RHBDF2: variants seen among roughly 807,000 people sequenced by gnomAD.
RHBDF2 encodes rhomboid 5 homolog 2.
Under a neutral mutation model 95.2 loss-of-function variants are expected in RHBDF2, and 38 were observed. The observed-to-expected ratio is 0.40, with a 90% CI of 0.31 to 0.52. The LOEUF (loss-of-function observed/expected upper bound fraction) is 0.52. Ranked by LOEUF, RHBDF2 falls within the 20% of genes least tolerant of loss-of-function variation. The pLI is 0.56. For synonymous variants in RHBDF2, 442 were observed against 462.0 expected, an observed-to-expected ratio of 0.96 and a Z score of 0.55; for missense variants, 863 against 1,137.7, an observed-to-expected ratio of 0.76 and a Z score of 3.47.
At chr17:76,489,375 G>C (rs2074237807) in intron 1 of RHBDF2, among the ~76,000 whole-genome samples, 1 of 148,994 alleles carries the variant, frequency 6.7e-6, no homozygotes, top group African/African-American at 2.5e-5. Context: ...CCAGGCTGGA[G>C]TGCAGTGGCA....
At chr17:76,499,878 C>T (rs995496740) in intron 1 of RHBDF2, among the ~76,000 whole-genome samples, 4 of 151,830 alleles carry the variant, frequency 2.6e-5, no homozygotes, top group African/African-American at 9.7e-5. Context: ...GGGTTAAGCA[C>T]CCCAGGCCTG....
Position 76,479,757 on chromosome 17 carries a change from G to A in RHBDF2, c.248C>T (p.Ala83Val), listed in dbSNP as rs536930030. The change falls in exon 4 of 19, where the codon GCC becomes GTC. Residue 83 changes from alanine to valine, a missense_variant. Around this residue, in one of 2 missense-constraint regions of RHBDF2, gnomAD observed 611 missense variants for 725.5 expected, o/e 0.84. Transcript: ENST00000675367. ...CTTGCGGATGCTCTGGGACAGTGAG[G>A]CCTGGCGGCGGAAGCCAGGGCGCTT... ...SEKRPGFRRQ[A>V]SLSQSIRKGA... The A allele has an allele frequency of 6.2e-7, 1 of 1,611,516 alleles. No individual in the cohort carries two copies. Among genetic ancestry groups the A allele is most frequent in the Non-Finnish European group, 8.5e-7 (1 of 1,179,874 alleles).
At chr17:76,478,160 C>T (rs1347158148) in intron 6 of RHBDF2, among the ~76,000 whole-genome samples, 3 of 152,220 alleles carry the variant, frequency 2.0e-5, no homozygotes, top group African/African-American at 7.2e-5. Context: ...GCACGGAATA[C>T]CAGGTCCCTG....
rs1046730250 is a variant in RHBDF2 at position 76,478,827 on chromosome 17, T to C, written c.651A>G (p.Gln217=). ...GCACCTTGAGGAGGGCAGCGGCAGC[T>C]TGCAAGCTCATGTGGGCCACAGACA... The part of the protein sequence containing the change: ...KRMSVAHMSL[Q]AAAALLKGRS... The change falls in exon 6 of 19, where the codon CAA becomes CAG. Residue 217 remains glutamine, a synonymous_variant. Transcript: ENST00000675367. 2 of 1,613,026 alleles carry C rather than the reference T, an allele frequency of 1.2e-6. No individual in the cohort carries two copies. The highest frequency in any genetic ancestry group is 1.7e-6 in the Non-Finnish European group (2 of 1,179,650).
chr17:76,484,952 C>A (rs556459283), intron 2 of RHBDF2, among the ~76,000 whole-genome samples: 1 of 152,182 alleles, frequency 6.6e-6, no homozygotes, highest in South Asian at 2.1e-4. Context: ...GGTTCCTCCC[C>A]AGAGAAGCGT....
chr17:76,500,009 G>A (rs2074538484), intron 1 of RHBDF2, among the ~76,000 whole-genome samples: 1 of 152,124 alleles, frequency 6.6e-6, no homozygotes, highest in South Asian at 2.1e-4. Flanking sequence ...ACTCTTGTGA[G>A]GGGAATAAGT....
At chr17:76,500,723 C>T (rs1257598852) in intron 1 of RHBDF2, among the ~76,000 whole-genome samples, 2 of 152,320 alleles carry the variant, frequency 1.3e-5, no homozygotes, top group East Asian at 3.9e-4. Context: ...TATCCCAATG[C>T]CCTGGGGGAA....
intron 4 of RHBDF2, 61 bp from the exon 5 acceptor site, chr17:76,479,338 T>C (rs2073875304): frequency 1.3e-6 from 2 of 1,543,262 alleles, no homozygotes; most frequent in African/African-American, 1.4e-5. Context: ...CACCTGAGTG[T>C]GTGGAAGGGG....
rs144936770 is a variant in RHBDF2 at position 76,479,555 on chromosome 17, C to T, written c.272+178G>A. 6.4e-3 allele frequency: 4,728 copies of T among 733,888 alleles called. 35 individuals are homozygous for T. The highest frequency in any genetic ancestry group is 9.2e-3 in the Non-Finnish European group (3,840 of 417,574). 45.5% of individuals were successfully genotyped at this position (733,888 alleles called of 1,614,324 possible). On this transcript the variant is annotated intron_variant, in intron 4 of 18. Coordinates refer to ENST00000675367, the MANE Select transcript of RHBDF2 (RefSeq NM_001005498.4). ...CTCCACACCGTGATATTCCGCAAAG[C>T]ACATACCCATTTCCCCATCTATACC...
Position 76,473,308 on chromosome 17 carries a change from C to T in RHBDF2, c.1753G>A (p.Glu585Lys). 1 of 1,612,506 alleles carries T rather than the reference C, an allele frequency of 6.2e-7. No homozygotes were observed. Among genetic ancestry groups the T allele is most frequent in the Non-Finnish European group, 8.5e-7 (1 of 1,179,206 alleles). ...TAGCCGTGCATGAACTCACAGTATT[C>T]CCGGGTGGTGATCTCACAGCTAAGG... ...TKGSCEITTR[E>K]YCEFMHGYFH... The change falls in exon 16 of 19, where the codon GAA becomes AAA. Residue 585 changes from glutamate to lysine, a missense_variant. Glu to Lys is a moderately conservative substitution (Grantham distance 56). Around this residue, in one of 2 missense-constraint regions of RHBDF2, gnomAD observed 252 missense variants for 412.2 expected, o/e 0.61. Coordinates refer to ENST00000675367, the MANE Select transcript of RHBDF2 (RefSeq NM_001005498.4).
At chr17:76,500,408 C>G (rs1374877537) in intron 1 of RHBDF2, among the ~76,000 whole-genome samples, 2 of 152,196 alleles carry the variant, frequency 1.3e-5, no homozygotes, top group African/African-American at 4.8e-5. Context: ...CTTTCCACTG[C>G]CTGCCCTACG....
chr17:76,485,806 A>C (rs1036463240), intron 2 of RHBDF2, among the ~76,000 whole-genome samples: 2 of 152,166 alleles, frequency 1.3e-5, no homozygotes, highest in Non-Finnish European at 2.9e-5. Flanking sequence ...AAGTCCTAAC[A>C]AAGCTACAAC....
intron 2 of RHBDF2, among the ~76,000 whole-genome samples, chr17:76,486,153 G>C (rs758599245): frequency 6.6e-6 from 1 of 151,344 alleles, no homozygotes; most frequent in Non-Finnish European, 1.5e-5. Context: ...CTGTCACCCA[G>C]GCTAGAGCGC....
chr17:76,480,410 A>G (rs576617925), intron 3 of RHBDF2, among the ~76,000 whole-genome samples: 1 of 151,466 alleles, frequency 6.6e-6, no homozygotes, highest in Non-Finnish European at 1.5e-5. Context: ...TTTGGGACAG[A>G]GTCTTGCTCT....
Position 76,475,116 on chromosome 17 carries a change from A to C in RHBDF2, c.1141T>G (p.Phe381Val), listed in dbSNP as rs2073728505. Residue 381 changes from phenylalanine (F) to valine (V), a missense_variant, in exon 10 of 19, where the codon TTC (phenylalanine) becomes GTC (valine). This residue lies in a region of RHBDF2 where 611 missense variants were observed against 725.5 expected (regional missense o/e 0.84). Coordinates refer to ENST00000675367, the MANE Select transcript of RHBDF2 (RefSeq NM_001005498.4). ...AGCAGCGTGATGATGACATGGACGA[A>C]GGTCAGCCAGTAGGTGAAGTAGGGC... ...HRPYFTYWLT[F>V]VHVIITLLVI... 6.3e-7 allele frequency: 1 copy of C among 1,597,832 alleles called. No homozygotes were observed. Among genetic ancestry groups the C allele is most frequent in the African/African-American group, 1.3e-5 (1 of 74,946 alleles).
At position 76,476,761 on chromosome 17, in the gene RHBDF2, G is replaced by A. The variant is rs912792255; in HGVS notation, c.1115+69C>T. On this transcript the variant is annotated intron_variant, in intron 9 of 18. Coordinates refer to ENST00000675367, the MANE Select transcript of RHBDF2 (RefSeq NM_001005498.4). ...ACACTTGCTGAATGAGTAAGGGGGC[G>A]CTTCAGGAGGGCCCAGAGGAATTTG... is the stretch of plus-strand genomic sequence containing the variant. 48 of 1,485,114 alleles carry A rather than the reference G, an allele frequency of 3.2e-5. No individual in the cohort carries two copies. In the African/African-American group the frequency reaches 3.4e-4, roughly 10 times the overall value. 92.0% of individuals were successfully genotyped at this position (1,485,114 alleles called of 1,614,324 possible).
rs1273474290 is a variant in RHBDF2, at chr17:76,479,620, G to T, written c.272+113C>A. On this transcript the variant is annotated intron_variant, in intron 4 of 18. Coordinates refer to ENST00000675367, the MANE Select transcript of RHBDF2 (RefSeq NM_001005498.4). The stretch of plus-strand genomic sequence containing the variant: ...CAGGGAGACATTGCTCATTAATGCC[G>T]GCCTCCTCCTTCCAGAGAGGGGACG... The T allele has an allele frequency of 3.7e-6, 3 of 801,800 alleles. No individual in the cohort carries two copies. The South Asian group carries it at 4.7e-5, about 12-fold the overall frequency. 49.7% of individuals were successfully genotyped at this position (801,800 alleles called of 1,614,324 possible). A position where few individuals can be genotyped will look rare whatever the true frequency, so the allele number is the denominator to read the frequency against.
intron 18 of RHBDF2, chr17:76,472,394 GA>G: frequency 1.7e-6 from 1 of 577,334 alleles, no homozygotes; most frequent in Non-Finnish European, 3.1e-6. Flanking sequence ...ACGGCGCACG[GA>G]GGCCATTTCC....
At chr17:76,472,248 C>T (rs545995724) in intron 18 of RHBDF2, 196 bp from the exon 19 acceptor site, 7 of 616,830 alleles carry the variant, frequency 1.1e-5, no homozygotes, top group East Asian at 5.5e-5. Flanking sequence ...AAACACTGAG[C>T]GCCTACTGTG....
Sources: gnomAD v4.1 joint callset for allele counts (sites outside exome capture counted in the v4.1 genomes callset) on GRCh38, gnomAD v4.1.1 for gene constraint, gnomAD v4.1.1 regional missense constraint, MANE v1.5 for transcripts, NCBI Gene and HGNC (gene_info 2026-07-23, HGNC 2026-07-21) for gene names.